Variants in CCSER1 observed in about 807,000 individuals in gnomAD.
The protein encoded by CCSER1 is serine-rich coiled-coil domain-containing protein 1.
Under a neutral mutation model 82.0 loss-of-function variants are expected in CCSER1, and 41 were observed. That is an observed-to-expected ratio of 0.50 (90% CI 0.39 to 0.65). The LOEUF (loss-of-function observed/expected upper bound fraction) is 0.65. CCSER1 is among the 30% of genes least tolerant of loss of function. The pLI is 0.00. For synonymous variants in CCSER1, 414 were observed against 383.9 expected, an observed-to-expected ratio of 1.08 and a Z score of -0.92; for missense variants, 1,119 against 1,064.2, an observed-to-expected ratio of 1.05 and a Z score of -0.72.
intron 5 of CCSER1, among the ~76,000 whole-genome samples, chr4:90,533,160 C>G (rs923662242): frequency 3.5e-5 from 5 of 141,446 alleles, no homozygotes; most frequent in Non-Finnish European, 7.5e-5. Flanking sequence ...AGCGCGATCT[C>G]GGCTCACTGC....
At chr4:91,193,417 A>G (rs1735163205) in intron 10 of CCSER1, among the ~76,000 whole-genome samples, 1 of 152,180 alleles carries the variant, frequency 6.6e-6, no homozygotes, top group African/African-American at 2.4e-5. Context: ...ATGAAAAGGG[A>G]AAATGAAGAG....
At chr4:90,316,916 C>A (rs1223576949) in intron 3 of CCSER1, among the ~76,000 whole-genome samples, 2 of 152,146 alleles carry the variant, frequency 1.3e-5, no homozygotes, top group African/African-American at 4.8e-5. Flanking sequence ...AAATTTGGAA[C>A]AATTTGATAA....
At chr4:90,471,049 T>C (rs1002911748) in intron 5 of CCSER1, among the ~76,000 whole-genome samples, 3 of 152,150 alleles carry the variant, frequency 2.0e-5, no homozygotes, top group African/African-American at 7.2e-5. Flanking sequence ...GGTAATAATA[T>C]TATTATCACC....
rs186832300 is a variant in CCSER1, at chr4:91,071,625, C to G, written c.2173-14325C>G. ...AATAATCATAATCTAGCTATTAATA[C>G]TCTCTTTTTACCTATTTGAGTGCAT... On this transcript the variant is annotated intron_variant, in intron 9 of 10. Transcript: ENST00000509176. 1.5e-3 allele frequency among the ~76,000 whole-genome samples: 229 copies of G among 152,182 alleles called. 1 individual carries two copies. Among genetic ancestry groups the G allele is most frequent in the African/African-American group, 5.3e-3 (221 of 41,514 alleles).
intron 10 of CCSER1, among the ~76,000 whole-genome samples, chr4:91,096,170 T>G (rs374505045): frequency 2.0e-5 from 3 of 152,222 alleles, no homozygotes; most frequent in East Asian, 3.9e-4. Context: ...ATATTGCTGC[T>G]TTCTCAGGGG....
intron 9 of CCSER1, among the ~76,000 whole-genome samples, chr4:91,040,204 T>C (rs1354844334): frequency 6.6e-6 from 1 of 152,196 alleles, no homozygotes; most frequent in African/African-American, 2.4e-5. Context: ...AAATGACATA[T>C]TTTTAAAAAT....
intron 1 of CCSER1, among the ~76,000 whole-genome samples, chr4:90,279,634 G>C (rs1728530843): frequency 6.6e-6 from 1 of 151,940 alleles, no homozygotes; most frequent in Non-Finnish European, 1.5e-5. Flanking sequence ...CTCATTGTGT[G>C]CAAGTAGCTA....
chr4:90,157,914 TGAGG>T (rs1728597637), intron 1 of CCSER1, among the ~76,000 whole-genome samples: 2 of 152,232 alleles, frequency 1.3e-5, no homozygotes, highest in Non-Finnish European at 2.9e-5. Context: ...CCGTTGCTGG[TGAGG>T]AACTATGTTC....
chr4:90,206,054 C>T (rs1188551954), intron 1 of CCSER1, among the ~76,000 whole-genome samples: 2 of 151,728 alleles, frequency 1.3e-5, no homozygotes, highest in Non-Finnish European at 2.9e-5. Context: ...TCTCCTTTAT[C>T]ATTTTTTATT....
chr4:90,321,844 T>G (rs1245169407), intron 3 of CCSER1, among the ~76,000 whole-genome samples: 1 of 152,090 alleles, frequency 6.6e-6, no homozygotes, highest in African/African-American at 2.4e-5. Flanking sequence ...GATTATTTAG[T>G]TATCTTTTCT....
At chr4:90,290,150 A>G (rs1166994138) in intron 1 of CCSER1, among the ~76,000 whole-genome samples, 2 of 151,838 alleles carry the variant, frequency 1.3e-5, no homozygotes, top group African/African-American at 2.4e-5. Flanking sequence ...TCTTCTAGCT[A>G]TTTTGAAATG....
At chr4:90,485,745 G>T (rs1401065676) in intron 5 of CCSER1, among the ~76,000 whole-genome samples, 1 of 151,908 alleles carries the variant, frequency 6.6e-6, no homozygotes, top group African/African-American at 2.4e-5. Context: ...TCCCCTCTAT[G>T]TATCCATGTG....
chr4:90,745,712 C>T lies in CCSER1; in HGVS notation c.2010+21721C>T, dbSNP rs1268889594. On this transcript the variant is annotated intron_variant, in intron 7 of 10. Coordinates refer to ENST00000509176, the MANE Select transcript of CCSER1 (RefSeq NM_001145065.2). Reference sequence around the variant, plus strand: ...TTTTTTTTTTTTTTTTTTTTTGAGACGGAGTCTTGCTCTGCCACCCAGGCT... The same window carrying T: ...TTTTTTTTTTTTTTTTTTTTTGAGATGGAGTCTTGCTCTGCCACCCAGGCT... Among the ~76,000 whole-genome samples the T allele has an allele frequency of 5.3e-5, 5 of 93,606 alleles. No homozygotes were observed. In the East Asian group the frequency reaches 1.1e-3, roughly 20 times the overall value. 61.4% of individuals were successfully genotyped at this position (93,606 alleles called of 152,430 possible).
At chr4:91,172,647 T>C (rs1292085513) in intron 10 of CCSER1, among the ~76,000 whole-genome samples, 1 of 152,144 alleles carries the variant, frequency 6.6e-6, no homozygotes, top group Non-Finnish European at 1.5e-5. Flanking sequence ...ACTCTTCTGA[T>C]CAACAGACAC....
rs143401107 is a variant in CCSER1, at chr4:90,927,964, C to G, written c.2172+4517C>G. ...ATAACTATCAATTAGGCTTTCTCAT[C>G]ATGCTGCTAATATACTGTAGTTTAT... On this transcript the variant is annotated intron_variant, in intron 9 of 10. Coordinates refer to ENST00000509176, the MANE Select transcript of CCSER1 (RefSeq NM_001145065.2). Among the ~76,000 whole-genome samples, 5 of 152,098 alleles carry G rather than the reference C, an allele frequency of 3.3e-5. No homozygotes were observed. In the East Asian group the frequency reaches 9.7e-4, roughly 29 times the overall value.
intron 7 of CCSER1, among the ~76,000 whole-genome samples, chr4:90,738,475 C>T (rs573704616): frequency 8.5e-5 from 13 of 152,224 alleles, no homozygotes; most frequent in Admixed American, 7.8e-4. Flanking sequence ...AACATAGTCT[C>T]TCCCACTATT....
At chr4:90,587,675 C>T (rs1048868347) in intron 5 of CCSER1, among the ~76,000 whole-genome samples, 1 of 152,202 alleles carries the variant, frequency 6.6e-6, no homozygotes, top group African/African-American at 2.4e-5. Context: ...CCTGTCCCTA[C>T]AACCTGTACT....
At chr4:91,195,919 C>G (rs567347657) in intron 10 of CCSER1, among the ~76,000 whole-genome samples, 1 of 152,126 alleles carries the variant, frequency 6.6e-6, no homozygotes, top group African/African-American at 2.4e-5. Context: ...ACAAAGCCCC[C>G]GTGTTAGCCA....
At chr4:90,468,211 A>C (rs1206533501) in intron 4 of CCSER1, 23 bp from the exon 5 acceptor site, 1 of 1,576,078 alleles carries the variant, frequency 6.3e-7, no homozygotes, top group Admixed American at 1.8e-5. Context: ...TGACATTTAC[A>C]ATTCCTCGGT....
Sources: allele counts gnomAD v4.1 joint callset (sites outside exome capture counted in the v4.1 genomes callset), GRCh38; gene constraint gnomAD v4.1.1; transcripts MANE v1.5; gene names NCBI Gene and HGNC (gene_info 2026-07-23, HGNC 2026-07-21).